PDE1A: variants seen among roughly 807,000 people sequenced by gnomAD.
The protein encoded by PDE1A is dual specificity calcium/calmodulin-dependent 3',5'-cyclic nucleotide phosphodiesterase 1A.
In PDE1A, 35 loss-of-function variants were observed where a neutral mutation model predicts 61.7. That is an observed-to-expected ratio of 0.57 (90% CI 0.43 to 0.75). PDE1A has a LOEUF of 0.75. PDE1A is among the 30% of genes least tolerant of loss of function. PDE1A has a pLI of 0.00. For missense variants in PDE1A, 597 were observed against 630.6 expected (o/e 0.95, Z 0.57); for synonymous variants, 232 against 213.2 (o/e 1.09, Z -0.77).
At chr2:182,700,914 C>A in the PDE1A span, among the ~76,000 whole-genome samples, 1 of 151,618 alleles carries the variant, frequency 6.6e-6, no homozygotes, top group Non-Finnish European at 1.5e-5. Flanking sequence ...GAGATTATAT[C>A]ACACACACAC....
At chr2:182,531,805 C>T in the PDE1A span, among the ~76,000 whole-genome samples, 1 of 152,132 alleles carries the variant, frequency 6.6e-6, no homozygotes, top group African/African-American at 2.4e-5. Flanking sequence ...CACCCATCAA[C>T]TCATCATTTA....
chr2:182,367,866 T>C (rs1699921443), intron 1 of PDE1A, among the ~76,000 whole-genome samples: 1 of 152,226 alleles, frequency 6.6e-6, no homozygotes, highest in African/African-American at 2.4e-5. Flanking sequence ...TATTGAGATA[T>C]AATTGGCCTA....
chr2:182,461,855 G>A (rs1350878436), intron 2 of PDE1A, among the ~76,000 whole-genome samples: 2 of 152,054 alleles, frequency 1.3e-5, no homozygotes, highest in African/African-American at 4.8e-5. Context: ...GCAGCAAAAA[G>A]GTTATTCTCA....
intron 1 of PDE1A, among the ~76,000 whole-genome samples, chr2:182,368,114 T>C (rs1293513195): frequency 1.3e-5 from 2 of 152,130 alleles, no homozygotes; most frequent in Non-Finnish European, 2.9e-5. Context: ...TTTGTAAGAG[T>C]ATTTTAAAGT....
At chr2:182,661,246 G>A in the PDE1A span, among the ~76,000 whole-genome samples, 3 of 152,170 alleles carry the variant, frequency 2.0e-5, no homozygotes, top group Non-Finnish European at 4.4e-5. Flanking sequence ...AATTTAAGAT[G>A]CTACACCAGA....
intron 1 of PDE1A, among the ~76,000 whole-genome samples, chr2:182,412,527 T>C (rs1237422603): frequency 6.6e-6 from 1 of 152,184 alleles, no homozygotes; most frequent in Non-Finnish European, 1.5e-5. Flanking sequence ...GTAGGTAAGA[T>C]CCCTGGCATG....
Position 182,423,591 on chromosome 2 carries a change from A to G in PDE1A, c.53+2987T>C, listed in dbSNP as rs572457305. ...AATTGGAAAAAAAGCTCTTGCTCTC[A>G]TATCTTTCAGGTCACTTAGGTGTTT... is the stretch of plus-strand genomic sequence containing the variant. On this transcript the variant is annotated intron_variant, in intron 1 of 13. Coordinates refer to ENST00000351439, the Ensembl canonical transcript of PDE1A. 3.9e-5 allele frequency among the ~76,000 whole-genome samples: 6 copies of G among 152,320 alleles called. No homozygotes were observed. The South Asian group carries it at 8.3e-4, about 21-fold the overall frequency.
intron 1 of PDE1A, among the ~76,000 whole-genome samples, chr2:182,290,966 T>C (rs1342333402): frequency 6.6e-6 from 1 of 152,082 alleles, no homozygotes; most frequent in Non-Finnish European, 1.5e-5. Flanking sequence ...GCTAGAAATG[T>C]GGTTTTCATG....
At chr2:182,457,774 G>A (rs1427908050) in intron 2 of PDE1A, among the ~76,000 whole-genome samples, 4 of 152,050 alleles carry the variant, frequency 2.6e-5, no homozygotes, top group Non-Finnish European at 5.9e-5. Context: ...GATATTGTGT[G>A]AAGGACCATT....
intron 2 of PDE1A, among the ~76,000 whole-genome samples, chr2:182,475,800 G>C (rs1687319695): frequency 6.6e-6 from 1 of 151,978 alleles, no homozygotes; most frequent in Middle Eastern, 3.4e-3. Context: ...AAAAGTAGTA[G>C]AATGGAAATG....
chr2:182,409,469 C>A (rs1037191352), intron 1 of PDE1A, among the ~76,000 whole-genome samples: 22 of 152,080 alleles, frequency 1.4e-4, no homozygotes, highest in African/African-American at 4.8e-4. Flanking sequence ...ATGTACAAAC[C>A]CAGTCTCCAT....
intron 2 of PDE1A, among the ~76,000 whole-genome samples, chr2:182,504,830 C>T (rs1379250143): frequency 6.6e-6 from 1 of 152,230 alleles, no homozygotes; most frequent in African/African-American, 2.4e-5. Context: ...CTTCATCACA[C>T]ACCTTGGACT....
chr2:182,619,414 C>T, the PDE1A span, among the ~76,000 whole-genome samples: 1 of 152,104 alleles, frequency 6.6e-6, no homozygotes, highest in African/African-American at 2.4e-5. Context: ...AAGCAGAGGG[C>T]TGTGCAGCCA....
rs370543514 is a variant in PDE1A, at chr2:182,501,886, T to C, written c.101+20390A>G. ...CCTCTCTTCATCCATCACACTTATGTTTTCTGGCAAAATATGAACTCTGTA... is the reference window on the plus strand; with the variant it reads ...CCTCTCTTCATCCATCACACTTATGCTTTCTGGCAAAATATGAACTCTGTA... On this transcript the variant is annotated intron_variant, in intron 2 of 14. Transcript: ENST00000410103. 1.2e-4 allele frequency among the ~76,000 whole-genome samples: 18 copies of C among 152,302 alleles called. No individual in the cohort carries two copies. In the East Asian group the frequency reaches 3.3e-3, roughly 28 times the overall value.
chr2:182,443,700 CTTTTTTT>C (rs1213330952), intron 2 of PDE1A, among the ~76,000 whole-genome samples: 1 of 134,288 alleles, frequency 7.4e-6, no homozygotes, highest in East Asian at 2.1e-4. Flanking sequence ...TTCTTTTTTC[CTTTTTTT>C]TTTTTTTTTT....
At chr2:182,538,211 C>T in the PDE1A span, among the ~76,000 whole-genome samples, 1 of 152,146 alleles carries the variant, frequency 6.6e-6, no homozygotes, top group East Asian at 1.9e-4. Flanking sequence ...CAGGCCACAT[C>T]AGGTGACACT....
At chr2:182,451,029 G>A (rs1416109155) in intron 2 of PDE1A, among the ~76,000 whole-genome samples, 7 of 152,052 alleles carry the variant, frequency 4.6e-5, no homozygotes, top group African/African-American at 1.7e-4. Flanking sequence ...GTCTCATTTA[G>A]ATGACCAATG....
chr2:182,547,492 T>C, the PDE1A span, among the ~76,000 whole-genome samples: 974 of 152,356 alleles, frequency 6.4e-3, 11 homozygotes, highest in African/African-American at 0.022. Context: ...ATCAACGACA[T>C]CAGAATTTAC....
chr2:182,693,630 T>C, the PDE1A span, among the ~76,000 whole-genome samples: 1 of 147,050 alleles, frequency 6.8e-6, no homozygotes, highest in Non-Finnish European at 1.5e-5. Flanking sequence ...ACTTTCTTGA[T>C]AGTGTTCTTT....
Sources: gnomAD v4.1 joint callset for allele counts (sites outside exome capture counted in the v4.1 genomes callset) on GRCh38, gnomAD v4.1.1 for gene constraint, MANE v1.5 for transcripts, NCBI Gene and HGNC (gene_info 2026-07-23, HGNC 2026-07-21) for gene names.